Variants in RASEF observed in about 807,000 individuals in gnomAD.
The protein encoded by RASEF is RAS and EF-hand domain containing.
Under a neutral mutation model 90.1 loss-of-function variants are expected in RASEF, and 68 were observed. The ratio of observed to expected loss-of-function variants is 0.75; its 90% CI spans 0.62 to 0.92. The LOEUF (loss-of-function observed/expected upper bound fraction) is 0.92, where lower values mean the gene tolerates loss of function less well. Among genes scored for constraint, RASEF ranks in the 40% least tolerant of loss-of-function variants. RASEF has a pLI of 0.00. For synonymous variants in RASEF, 331 were observed against 345.2 expected, an observed-to-expected ratio of 0.96 and a Z score of 0.46; for missense variants, 949 against 937.2, an observed-to-expected ratio of 1.01 and a Z score of -0.16.
intron 16 of RASEF, among the ~76,000 whole-genome samples, chr9:82,985,039 A>C (rs1297574486): frequency 3.3e-5 from 5 of 152,212 alleles, no homozygotes; most frequent in Non-Finnish European, 7.3e-5. Context: ...AGCATGCAGA[A>C]AGGCAGAGGC....
the RASEF span, among the ~76,000 whole-genome samples, chr9:83,151,111 T>G: frequency 2.6e-5 from 4 of 152,224 alleles, no homozygotes; most frequent in African/African-American, 9.6e-5. Flanking sequence ...TTGTTTTTTT[T>G]TTTCAGGGAT....
the RASEF span, among the ~76,000 whole-genome samples, chr9:83,183,272 A>C: frequency 1.4e-5 from 2 of 145,518 alleles, no homozygotes; most frequent in Non-Finnish European, 3.0e-5. Context: ...GTATATATAT[A>C]TATATATATA....
chr9:83,040,006 C>T (rs964942722), intron 1 of RASEF, among the ~76,000 whole-genome samples: 6 of 152,026 alleles, frequency 3.9e-5, no homozygotes, highest in East Asian at 1.9e-4. Context: ...TTTTTTGGTG[C>T]TGTTCTAGTG....
At chr9:83,175,952 T>A in the RASEF span, among the ~76,000 whole-genome samples, 1 of 152,226 alleles carries the variant, frequency 6.6e-6, no homozygotes, top group African/African-American at 2.4e-5. Context: ...AATTTTTACA[T>A]CTGCACTTGA....
intron 1 of RASEF, among the ~76,000 whole-genome samples, chr9:83,035,782 T>C (rs1227879838): frequency 6.6e-6 from 1 of 152,164 alleles, no homozygotes; most frequent in Non-Finnish European, 1.5e-5. Context: ...AGGAATACAA[T>C]ATCAATTTTT....
chr9:83,192,598 T>C, the RASEF span, among the ~76,000 whole-genome samples: 141 of 152,164 alleles, frequency 9.3e-4, no homozygotes, highest in African/African-American at 3.4e-3. Flanking sequence ...AAAAAATAAC[T>C]ATTGATAACT....
chr9:82,994,170 G>C (rs1285642941), intron 14 of RASEF, among the ~76,000 whole-genome samples: 1 of 152,104 alleles, frequency 6.6e-6, no homozygotes, highest in African/African-American at 2.4e-5. Flanking sequence ...AGGCTCCAGA[G>C]TGTAATAAAA....
intron 14 of RASEF, among the ~76,000 whole-genome samples, chr9:82,993,795 T>A (rs1828857912): frequency 6.6e-6 from 1 of 152,192 alleles, no homozygotes; most frequent in Non-Finnish European, 1.5e-5. Flanking sequence ...GAGGCAAGTC[T>A]GAGACCCAGC....
At chr9:83,036,743 T>C (rs1829747224) in intron 1 of RASEF, among the ~76,000 whole-genome samples, 1 of 152,092 alleles carries the variant, frequency 6.6e-6, no homozygotes, top group African/African-American at 2.4e-5. Flanking sequence ...ACTGAGGAAA[T>C]CCGAATATGG....
At chr9:83,182,252 C>T in the RASEF span, among the ~76,000 whole-genome samples, 29,916 of 151,992 alleles carry the variant, frequency 0.2, 3,006 homozygotes, top group Middle Eastern at 0.24. Flanking sequence ...CTGCTTCCAG[C>T]CATTCAGTCT....
At chr9:83,029,073 G>A (rs948391091) in intron 1 of RASEF, among the ~76,000 whole-genome samples, 1 of 152,138 alleles carries the variant, frequency 6.6e-6, no homozygotes, top group Non-Finnish European at 1.5e-5. Flanking sequence ...AAGCCACCCA[G>A]TTTGTGATGC....
At chr9:83,013,154 C>T (rs17397432) in intron 4 of RASEF, among the ~76,000 whole-genome samples, 15,230 of 152,198 alleles carry the variant, frequency 0.1, 1,010 homozygotes, top group Non-Finnish European at 0.16. Flanking sequence ...ACTACAAACT[C>T]GTTACAATTA....
chr9:83,070,767 T>C, the RASEF span, among the ~76,000 whole-genome samples: 3 of 152,182 alleles, frequency 2.0e-5, no homozygotes, highest in Admixed American at 6.5e-5. Flanking sequence ...AATGAGATTA[T>C]ATCTCTCTGT....
chr9:83,048,355 G>A (rs1242905985), intron 1 of RASEF: 1 of 985,368 alleles, frequency 1.0e-6, no homozygotes, highest in East Asian at 1.1e-4. Context: ...TTTGATTTCT[G>A]ACCACCACTG....
At chr9:82,986,596 C>T (rs1049582862) in intron 16 of RASEF, among the ~76,000 whole-genome samples, 2 of 152,172 alleles carry the variant, frequency 1.3e-5, no homozygotes, top group African/African-American at 4.8e-5. Flanking sequence ...GATACAATTC[C>T]AAACATCTAA....
In RASEF at chr9:83,062,584, G is replaced by T; in HGVS notation, c.284C>A (p.Ala95Glu). The stretch of plus-strand genomic sequence containing the variant: ...CTCGCTGTCGTGTGTCTCCGGCCCC[G>T]CCTCAGACACGGCGGGCGCGGGATC... The part of the protein sequence containing the change: ...PLDPAPAVSE[A>E]GPETHDSEED... Residue 95 changes from alanine to glutamate, a missense_variant, in exon 1 of 17, where the codon GCG becomes GAG. Ala to Glu is a moderately radical substitution (Grantham distance 107). This residue lies in a region of RASEF where 656 missense variants were observed against 592.2 expected (regional missense o/e 1.11). Transcript: ENST00000376447. 1 of 1,590,238 alleles carries T rather than the reference G, an allele frequency of 6.3e-7. No homozygotes were observed. Among genetic ancestry groups the T allele is most frequent in the African/African-American group, 1.3e-5 (1 of 74,382 alleles).
At chr9:83,169,350 T>TACACACACACACAC in the RASEF span, among the ~76,000 whole-genome samples, 15 of 146,096 alleles carry the variant, frequency 1.0e-4, no homozygotes, top group African/African-American at 3.3e-4. Flanking sequence ...CTGATTTCCA[T>TACACACACACACAC]ACACACACAC....
chr9:83,083,298 T>C, the RASEF span, among the ~76,000 whole-genome samples: 1 of 152,318 alleles, frequency 6.6e-6, no homozygotes. Flanking sequence ...TCTTATATAT[T>C]ATCTTTAAGA....
chr9:83,068,054 A>G (rs1043341316), upstream of RASEF, among the ~76,000 whole-genome samples: 7 of 151,868 alleles, frequency 4.6e-5, no homozygotes, highest in African/African-American at 1.7e-4. Context: ...TTTTTTTTGT[A>G]TTTTTTGTAG....
Sources: allele counts gnomAD v4.1 joint callset (sites outside exome capture counted in the v4.1 genomes callset), GRCh38; gene constraint gnomAD v4.1.1; regional missense constraint gnomAD v4.1.1; transcripts MANE v1.5; gene names NCBI Gene and HGNC (gene_info 2026-07-23, HGNC 2026-07-21).